Variants in TAF2 observed in about 807,000 individuals in gnomAD.
The protein encoded by TAF2 is transcription initiation factor TFIID subunit 2.
TAF2 carries 61 observed loss-of-function variants against 138.5 expected under a neutral mutation model. That is an observed-to-expected ratio of 0.44 (90% CI 0.36 to 0.54). The LOEUF (loss-of-function observed/expected upper bound fraction) is 0.54, where lower values mean the gene tolerates loss of function less well. Ranked by LOEUF, TAF2 falls within the 20% of genes least tolerant of loss-of-function variation. The pLI is 0.00. For synonymous variants in TAF2, 475 were observed against 469.9 expected, an observed-to-expected ratio of 1.01 and a Z score of -0.14; for missense variants, 1,090 against 1,427.9, an observed-to-expected ratio of 0.76 and a Z score of 3.81.
At chr8:119,770,191 A>C (rs1487352156) in intron 18 of TAF2, among the ~76,000 whole-genome samples, 1 of 152,136 alleles carries the variant, frequency 6.6e-6, no homozygotes, top group Admixed American at 6.5e-5. Context: ...ATTTGAGGAA[A>C]TAATTCAGGA....
At chr8:119,791,206 G>T in intron 11 of TAF2, 118 bp downstream of exon 11, 1 of 1,205,238 alleles carries the variant, frequency 8.3e-7, no homozygotes, top group Non-Finnish European at 1.2e-6. Flanking sequence ...AGGTTACTTA[G>T]TGGGCAAACA....
At chr8:119,829,539 G>A (rs1326313842) in intron 2 of TAF2, among the ~76,000 whole-genome samples, 1 of 151,970 alleles carries the variant, frequency 6.6e-6, no homozygotes, top group Admixed American at 6.6e-5. Flanking sequence ...GTGAGTGTGT[G>A]TGTATATATA....
chr8:119,772,527 A>G (rs1213960153), intron 18 of TAF2, among the ~76,000 whole-genome samples: 1 of 152,236 alleles, frequency 6.6e-6, no homozygotes, highest in Non-Finnish European at 1.5e-5. Context: ...TAATGGGTAC[A>G]CTAGAAGTCC....
At chr8:119,774,726 G>A (rs1055868336) in intron 18 of TAF2, among the ~76,000 whole-genome samples, 1 of 152,024 alleles carries the variant, frequency 6.6e-6, no homozygotes, top group African/African-American at 2.4e-5. Context: ...CCCCTTATAT[G>A]CTCTTAGTCT....
chr8:119,815,336 TG>T (rs1165241746), intron 3 of TAF2, among the ~76,000 whole-genome samples: 1 of 151,288 alleles, frequency 6.6e-6, no homozygotes, highest in African/African-American at 2.4e-5. Context: ...GGGCAGTGGC[TG>T]GATCTCTGCT....
At chr8:119,819,114 G>A (rs374916083) in intron 3 of TAF2, among the ~76,000 whole-genome samples, 2 of 152,114 alleles carry the variant, frequency 1.3e-5, no homozygotes, top group African/African-American at 4.8e-5. Flanking sequence ...AAAGTTCCCA[G>A]ATAACACTTC....
intron 14 of TAF2, 59 bp from the exon 15 acceptor site, chr8:119,785,325 T>A: frequency 8.7e-7 from 1 of 1,145,136 alleles, no homozygotes; most frequent in Non-Finnish European, 1.3e-6. Context: ...GAATGGACAT[T>A]AACAGCAGCT....
chr8:119,752,462 A>AC (rs1236851773), intron 22 of TAF2, among the ~76,000 whole-genome samples: 1 of 152,046 alleles, frequency 6.6e-6, no homozygotes, highest in African/African-American at 2.4e-5. Context: ...TCCCTCTGGG[A>AC]TATGGTCACT....
chr8:119,777,524 A>G (rs1031277018), intron 18 of TAF2, among the ~76,000 whole-genome samples: 2 of 152,244 alleles, frequency 1.3e-5, no homozygotes, highest in African/African-American at 4.8e-5. Context: ...AATGATAACA[A>G]GTAAGATAAA....
At position 119,831,714 on chromosome 8, in the gene TAF2, C is replaced by G. The variant is rs1826456369; in HGVS notation, c.101G>C (p.Cys34Ser). The G allele has an allele frequency of 1.2e-6, 2 of 1,602,778 alleles. No homozygotes were observed. Among genetic ancestry groups the G allele is most frequent in the South Asian group, 1.1e-5 (1 of 89,312 alleles). The change falls in exon 2 of 26, where the codon TGC (cysteine) becomes TCC (serine). Residue 34 changes from cysteine (C) to serine (S), a missense_variant. Coordinates refer to ENST00000378164, the MANE Select transcript of TAF2 (RefSeq NM_003184.4). ...TCTCTGGAAATTTATGTTGTTGATGCAGACGACCTGATGGGTTGTATATTA... is the reference window on the plus strand; with the variant it reads ...TCTCTGGAAATTTATGTTGTTGATGGAGACGACCTGATGGGTTGTATATTA... ...RPYKLTHQVV[C>S]INNINFQRKS...
At chr8:119,740,375 C>T (rs1258566529) in intron 25 of TAF2, among the ~76,000 whole-genome samples, 2 of 151,536 alleles carry the variant, frequency 1.3e-5, no homozygotes, top group Non-Finnish European at 2.9e-5. Flanking sequence ...AACAATGTCG[C>T]CAGGCCTGGT....
intron 25 of TAF2, among the ~76,000 whole-genome samples, chr8:119,736,972 A>G (rs1285616174): frequency 6.6e-6 from 1 of 152,208 alleles, no homozygotes; most frequent in African/African-American, 2.4e-5. Context: ...AGAGGAAAAG[A>G]AAAGAGGTAT....
At chr8:119,755,571 G>A (rs1199772547) in intron 22 of TAF2, among the ~76,000 whole-genome samples, 1 of 151,950 alleles carries the variant, frequency 6.6e-6, no homozygotes, top group African/African-American at 2.4e-5. Context: ...ATAATAATAA[G>A]TATTTTGAAA....
chr8:119,789,815 T>G, intron 11 of TAF2, 69 bp from the exon 12 acceptor site: 1 of 1,451,526 alleles, frequency 6.9e-7, no homozygotes, highest in Admixed American at 1.8e-5. Context: ...ATACTCACTT[T>G]GCATTATAAC....
rs564761464 is a variant in TAF2 at position 119,807,318 on chromosome 8, G to A, written c.300-917C>T. The stretch of plus-strand genomic sequence containing the variant: ...ATTTCCCATTTGATGAAAACAATAC[G>A]ATGAAGTCTTACAGAAACGTGAAAA... On this transcript the variant is annotated intron_variant, in intron 3 of 25. Transcript: ENST00000378164. Among the ~76,000 whole-genome samples the A allele has an allele frequency of 1.1e-4, 16 of 151,724 alleles. No homozygotes were observed. In the East Asian group the frequency reaches 2.7e-3, roughly 26 times the overall value.
At chr8:119,758,924 T>C (rs550050066) in intron 20 of TAF2, among the ~76,000 whole-genome samples, 1 of 152,266 alleles carries the variant, frequency 6.6e-6, no homozygotes, top group Admixed American at 6.5e-5. Flanking sequence ...AAGTGAAGTG[T>C]CACAATTAAA....
At chr8:119,815,698 T>C (rs1242162063) in intron 3 of TAF2, among the ~76,000 whole-genome samples, 3 of 152,124 alleles carry the variant, frequency 2.0e-5, no homozygotes, top group Non-Finnish European at 4.4e-5. Context: ...AGTCTACATT[T>C]AACTTTTTCT....
intron 2 of TAF2, among the ~76,000 whole-genome samples, chr8:119,820,951 C>T (rs1052578326): frequency 2.0e-5 from 3 of 152,146 alleles, no homozygotes; most frequent in African/African-American, 7.2e-5. Flanking sequence ...CATCCAATGA[C>T]CATTCTAAAT....
At chr8:119,736,636 A>G (rs1238190555) in intron 25 of TAF2, among the ~76,000 whole-genome samples, 1 of 152,226 alleles carries the variant, frequency 6.6e-6, no homozygotes, top group Non-Finnish European at 1.5e-5. Context: ...ATGAAGAGAA[A>G]TTTAGCTTTA....
Sources: gnomAD v4.1 joint callset for allele counts (sites outside exome capture counted in the v4.1 genomes callset) on GRCh38, gnomAD v4.1.1 for gene constraint, MANE v1.5 for transcripts, NCBI Gene and HGNC (gene_info 2026-07-23, HGNC 2026-07-21) for gene names.